The following NGEF variants were observed in gnomAD, a reference collection of about 807,000 sequenced individuals.
The protein encoded by NGEF is ephexin-1.
NGEF carries 31 observed loss-of-function variants against 80.9 expected under a neutral mutation model. The ratio of observed to expected loss-of-function variants is 0.38; its 90% CI spans 0.29 to 0.52. The LOEUF is 0.52. NGEF is among the 20% of genes least tolerant of loss of function. The probability of loss-of-function intolerance (pLI) is 0.84; values close to 1 mark genes in which losing one functional copy is unlikely to be tolerated. For missense variants in NGEF, 709 were observed against 926.2 expected (o/e 0.77, Z 3.04); for synonymous variants, 371 against 370.2 (o/e 1.00, Z -0.03).
chr2:232,949,482 CT>C (rs71398759), intron 3 of NGEF, among the ~76,000 whole-genome samples: 99 of 146,980 alleles, frequency 6.7e-4, no homozygotes, highest in Middle Eastern at 3.5e-3. Flanking sequence ...TGCACTCTTT[CT>C]TTTTTTTTTT....
At chr2:232,888,242 GCA>G in intron 8 of NGEF, 135 bp from the exon 9 acceptor site, 1 of 622,864 alleles carries the variant, frequency 1.6e-6, no homozygotes, top group Non-Finnish European at 2.9e-6. Context: ...ACACACGCAC[GCA>G]CGCACACGCA....
At chr2:232,983,825 C>T (rs556714599) in intron 1 of NGEF, among the ~76,000 whole-genome samples, 51 of 152,276 alleles carry the variant, frequency 3.3e-4, no homozygotes, top group African/African-American at 9.4e-4. Flanking sequence ...CTTTTAGAGA[C>T]GAGAATGCTG....
At chr2:232,940,735 G>T (rs12617953) in intron 3 of NGEF, among the ~76,000 whole-genome samples, 20 of 152,260 alleles carry the variant, frequency 1.3e-4, no homozygotes, top group African/African-American at 4.8e-4. Flanking sequence ...CTGGATGGTA[G>T]TATGCTCTTA....
chr2:232,950,076 T>C (rs1693648221), intron 3 of NGEF, among the ~76,000 whole-genome samples: 1 of 152,212 alleles, frequency 6.6e-6, no homozygotes, highest in Non-Finnish European at 1.5e-5. Flanking sequence ...CCTCCCAAAG[T>C]GCTGGGATTA....
chr2:232,958,202 G>A (rs1400805703), intron 3 of NGEF, among the ~76,000 whole-genome samples: 1 of 152,094 alleles, frequency 6.6e-6, no homozygotes, highest in East Asian at 1.9e-4. Context: ...GAGGGTACTT[G>A]GTCTCCTATA....
At chr2:232,986,933 C>T (rs1694543121) in intron 1 of NGEF, among the ~76,000 whole-genome samples, 1 of 152,062 alleles carries the variant, frequency 6.6e-6, no homozygotes. Flanking sequence ...GTTTATAAGT[C>T]AAAAGACAAA....
Position 232,892,914 on chromosome 2 carries a change from T to A in NGEF, c.1126A>T (p.Thr376Ser), listed in dbSNP as rs745949568. The A allele has an allele frequency of 2.5e-6, 4 of 1,613,194 alleles. No individual in the cohort carries two copies. In the African/African-American group the frequency reaches 5.3e-5, roughly 22 times the overall value. The change falls in exon 7 of 15, where the codon ACC (threonine) becomes TCC (serine). Residue 376 changes from threonine (T) to serine (S), a missense_variant. By Grantham distance (58) the Thr-to-Ser change is moderately conservative. Transcript: ENST00000264051. The surrounding 1 kb of genome is among the most constrained non-coding windows in gnomAD (Gnocchi z 4.0). Reference protein sequence around the residue: ...YVSNQTYQERTYKQLLQEKAA... With the variant: ...YVSNQTYQERSYKQLLQEKAA... ...TACACTCACAGCAGCTGCTTATAGGTCCGCTCCTGGTAGGTCTGATTGCTG... is the reference window on the plus strand; with the variant it reads ...TACACTCACAGCAGCTGCTTATAGGACCGCTCCTGGTAGGTCTGATTGCTG...
intron 3 of NGEF, among the ~76,000 whole-genome samples, chr2:232,960,608 G>T (rs1249056007): frequency 6.6e-6 from 1 of 152,218 alleles, no homozygotes; most frequent in African/African-American, 2.4e-5. Flanking sequence ...GCCTGGAGCG[G>T]TGGCTCATGC....
At chr2:232,906,771 C>G (rs917630272) in intron 5 of NGEF, among the ~76,000 whole-genome samples, 7 of 151,326 alleles carry the variant, frequency 4.6e-5, no homozygotes, top group African/African-American at 1.7e-4. Context: ...ATTGAGAAAT[C>G]GGATGGTTGC....
At chr2:233,005,720 G>A (rs887116801) in intron 1 of NGEF, among the ~76,000 whole-genome samples, 2 of 152,212 alleles carry the variant, frequency 1.3e-5, no homozygotes, top group African/African-American at 4.8e-5. Flanking sequence ...GCCATCAGAA[G>A]GAAACAGTCC....
In NGEF at chr2:232,917,120, A is replaced by C. The variant is rs778290582; in HGVS notation, c.828+3164T>G. 3.6e-4 allele frequency among the ~76,000 whole-genome samples: 55 copies of C among 152,256 alleles called. 1 individual carries two copies. The highest frequency in any genetic ancestry group is 2.1e-4 in the South Asian group (1 of 4,832). On this transcript the variant is annotated intron_variant, in intron 5 of 14. Coordinates refer to ENST00000264051, the MANE Select transcript of NGEF (RefSeq NM_019850.3). ...AAAAACCAGTGAATTCTCAGTGGAA[A>C]GGGAGTTGTTTTTATGAAAACTGAG...
intron 1 of NGEF, among the ~76,000 whole-genome samples, chr2:232,987,176 C>T (rs56147678): frequency 0.21 from 31,610 of 151,952 alleles, 4,028 homozygotes; most frequent in Non-Finnish European, 0.28. Flanking sequence ...GCCGCCACGC[C>T]TGGCTAATTT....
At chr2:232,908,602 C>T (rs1022681609) in intron 5 of NGEF, among the ~76,000 whole-genome samples, 7 of 151,900 alleles carry the variant, frequency 4.6e-5, no homozygotes, top group Non-Finnish European at 7.4e-5. Context: ...TAGGGTCTTG[C>T]GATGTTGCCC....
intron 3 of NGEF, among the ~76,000 whole-genome samples, chr2:232,954,685 A>G (rs1042811499): frequency 5.3e-5 from 8 of 151,294 alleles, no homozygotes; most frequent in Non-Finnish European, 1.0e-4. Flanking sequence ...AGATCACGCC[A>G]CTGCACTCCA....
chr2:232,937,799 T>C (rs1320278333), intron 3 of NGEF, among the ~76,000 whole-genome samples: 5 of 152,204 alleles, frequency 3.3e-5, no homozygotes, highest in Admixed American at 3.3e-4. Flanking sequence ...GGGTCAATGA[T>C]GTTTCTTCAA....
intron 7 of NGEF, among the ~76,000 whole-genome samples, 153 bp from the exon 8 acceptor site, chr2:232,891,640 T>TA (rs1389663081): frequency 1.1e-4 from 17 of 152,048 alleles, no homozygotes; most frequent in African/African-American, 4.1e-4. Context: ...AAAAGGAAAA[T>TA]AGACTGTTCA....
chr2:232,897,967 G>A (rs1009379646), intron 5 of NGEF, among the ~76,000 whole-genome samples: 6 of 151,316 alleles, frequency 4.0e-5, no homozygotes, highest in Non-Finnish European at 7.4e-5. Flanking sequence ...ACACAGCAGC[G>A]GGCCTCACAG....
chr2:232,883,281 G>A, intron 12 of NGEF, 30 bp downstream of exon 12: 1 of 1,564,190 alleles, frequency 6.4e-7, no homozygotes, highest in Admixed American at 1.8e-5. Context: ...GCCACGGGTA[G>A]CACTGGGCGT....
At chr2:232,951,582 C>T (rs1201446508) in intron 3 of NGEF, among the ~76,000 whole-genome samples, 3 of 152,122 alleles carry the variant, frequency 2.0e-5, no homozygotes, top group East Asian at 1.9e-4. Flanking sequence ...CTTTAGGGGC[C>T]GCCAGCGCCA....
Sources: gnomAD v4.1 joint callset for allele counts (sites outside exome capture counted in the v4.1 genomes callset) on GRCh38, gnomAD v4.1.1 for gene constraint, Gnocchi (gnomAD v3.1) non-coding constraint, MANE v1.5 for transcripts, NCBI Gene and HGNC (gene_info 2026-07-23, HGNC 2026-07-21) for gene names.